NPHP1: variants seen among roughly 807,000 people sequenced by gnomAD.
NPHP1 encodes nephrocystin 1.
NPHP1 carries 70 observed loss-of-function variants against 90.4 expected under a neutral mutation model. The observed-to-expected ratio is 0.77, with a 90% CI of 0.64 to 0.95. NPHP1 has a LOEUF of 0.95. Among genes scored for constraint, NPHP1 ranks in the 40% least tolerant of loss-of-function variants. NPHP1 has a pLI of 0.00. For missense variants in NPHP1, 764 were observed against 795.9 expected, an observed-to-expected ratio of 0.96 and a Z score of 0.48; for synonymous variants, 256 against 271.7, an observed-to-expected ratio of 0.94 and a Z score of 0.57.
At chr2:110,173,960 T>C (rs1163386580) in intron 4 of NPHP1, among the ~76,000 whole-genome samples, 2 of 152,146 alleles carry the variant, frequency 1.3e-5, no homozygotes, top group Non-Finnish European at 2.9e-5. Context: ...CTTTCTTTTA[T>C]CATTATGAAA....
At chr2:110,136,934 C>A (rs995318364) in intron 16 of NPHP1, among the ~76,000 whole-genome samples, 7 of 152,140 alleles carry the variant, frequency 4.6e-5, no homozygotes, top group Non-Finnish European at 7.4e-5. Flanking sequence ...TACTACAAGG[C>A]TACAGTAACC....
At chr2:110,140,838 A>G (rs1421980863) in intron 16 of NPHP1, among the ~76,000 whole-genome samples, 9 of 152,216 alleles carry the variant, frequency 5.9e-5, no homozygotes, top group Admixed American at 5.9e-4. Context: ...ACCCATGAAC[A>G]CATTATTAAT....
At chr2:110,192,208 C>T (rs987997124) in intron 2 of NPHP1, among the ~76,000 whole-genome samples, 13 of 152,076 alleles carry the variant, frequency 8.5e-5, no homozygotes, top group Admixed American at 3.3e-4. Flanking sequence ...CAAACTTCTC[C>T]GAGCTAAAGG....
intron 11 of NPHP1, among the ~76,000 whole-genome samples, chr2:110,159,544 T>C (rs1053662434): frequency 2.0e-5 from 3 of 152,180 alleles, no homozygotes; most frequent in Non-Finnish European, 4.4e-5. Flanking sequence ...ATTTCATCAA[T>C]GTTGTCAAAT....
At chr2:110,166,382 T>C (rs948725823) in intron 6 of NPHP1, among the ~76,000 whole-genome samples, 1 of 151,840 alleles carries the variant, frequency 6.6e-6, no homozygotes, top group Non-Finnish European at 1.5e-5. Flanking sequence ...AATGATCCAG[T>C]TAAAAGACTA....
At chr2:110,142,344 A>G (rs137869466) in intron 16 of NPHP1, among the ~76,000 whole-genome samples, 13 of 151,968 alleles carry the variant, frequency 8.6e-5, no homozygotes, top group African/African-American at 3.1e-4. Flanking sequence ...TAATACACTT[A>G]GACTTTTTTT....
chr2:110,124,231 T>C (rs1291748723), intron 19 of NPHP1, 168 bp from the exon 20 acceptor site: 3 of 739,334 alleles, frequency 4.1e-6, no homozygotes, highest in Non-Finnish European at 4.7e-6. Context: ...ACTTCAGAAG[T>C]GGAAGTGAGC....
At chr2:110,131,539 A>T in intron 17 of NPHP1, 140 bp downstream of exon 17, 1 of 663,740 alleles carries the variant, frequency 1.5e-6, no homozygotes, top group East Asian at 2.7e-5. Flanking sequence ...TCCCATAAGT[A>T]ATGTATTAAC....
At chr2:110,146,184 ATCTT>A (rs1383265201) in intron 14 of NPHP1, among the ~76,000 whole-genome samples, 8 of 152,094 alleles carry the variant, frequency 5.3e-5, no homozygotes, top group Non-Finnish European at 1.2e-4. Context: ...CTAGATTTAG[ATCTT>A]TCTTTTCCTC....
intron 19 of NPHP1, chr2:110,124,546 C>T (rs752796258): frequency 3.1e-5 from 7 of 223,008 alleles, no homozygotes; most frequent in Admixed American, 1.0e-4. Flanking sequence ...GGATGGAGGT[C>T]GAGGGGTCCT....
rs1359420201 is a variant in NPHP1, at chr2:110,131,735, T to C, written c.1586A>G (p.Tyr529Cys). 1.9e-6 allele frequency: 3 copies of C among 1,613,490 alleles called. No individual in the cohort carries two copies. Among genetic ancestry groups the C allele is most frequent in the African/African-American group, 1.3e-5 (1 of 75,044 alleles). Residue 529 changes from tyrosine (Y) to cysteine (C), a missense_variant, in exon 17 of 20, where the codon TAT becomes TGT. By Grantham distance (194) the Tyr-to-Cys change is radical (BLOSUM62 -2). Coordinates refer to ENST00000445609, the MANE Select transcript of NPHP1 (RefSeq NM_001128178.3). Reference sequence around the variant, plus strand: ...GAGCACATCTCCAAGAATTTGTCGATAAAATATCAACAAGTGAATAGAACA... The same window carrying C: ...GAGCACATCTCCAAGAATTTGTCGACAAAATATCAACAAGTGAATAGAACA... ...NMCSIHLLIF[Y>C]RQILGDVLLK...
Position 110,131,796 on chromosome 2 carries a change from TAAAG to T in NPHP1, c.1530-9_1530-6del. ...ATTAATGTTTCTGGCAGTAGACTAT[TAAAG>T]AAGAAAAAAATGTATTCATTAGACA... On this transcript the variant is annotated splice_polypyrimidine_tract_variant and splice_region_variant and intron_variant, in intron 16 of 19. Transcript: ENST00000445609. The T allele has an allele frequency of 1.3e-6, 2 of 1,530,698 alleles. No individual in the cohort carries two copies. The highest frequency in any genetic ancestry group is 1.8e-6 in the Non-Finnish European group (2 of 1,105,116). 94.8% of individuals were successfully genotyped at this position (1,530,698 alleles called of 1,614,324 possible). A position where few individuals can be genotyped will look rare whatever the true frequency, so the allele number is the denominator to read the frequency against.
intron 2 of NPHP1, among the ~76,000 whole-genome samples, chr2:110,194,352 A>G (rs1383026800): frequency 1.3e-5 from 2 of 152,200 alleles, no homozygotes; most frequent in African/African-American, 4.8e-5. Context: ...AGAAATACCA[A>G]CTACCATCAG....
chr2:110,199,945 T>C (rs777613077), intron 2 of NPHP1, among the ~76,000 whole-genome samples: 2 of 152,134 alleles, frequency 1.3e-5, no homozygotes, highest in Non-Finnish European at 2.9e-5. Context: ...GAGAAGACTA[T>C]GGTTACTTGG....
chr2:110,189,560 A>C (rs1326749707), intron 2 of NPHP1, among the ~76,000 whole-genome samples: 4 of 152,100 alleles, frequency 2.6e-5, no homozygotes, highest in African/African-American at 9.7e-5. Context: ...TTTATTGCAA[A>C]CAGCGAAAGA....
intron 19 of NPHP1, chr2:110,124,358 G>A: frequency 2.1e-6 from 1 of 477,678 alleles, no homozygotes; most frequent in South Asian, 2.2e-5. Context: ...TCAAGGTATT[G>A]CAGTCTAATT....
In NPHP1 at chr2:110,169,180, GA is replaced by G. The variant is rs929652979; in HGVS notation, c.522+625del. 1.5e-4 allele frequency among the ~76,000 whole-genome samples: 23 copies of G among 149,572 alleles called. No individual in the cohort carries two copies. In the East Asian group the frequency reaches 3.7e-3, roughly 24 times the overall value. On this transcript the variant is annotated intron_variant, in intron 5 of 19. Coordinates refer to ENST00000445609, the MANE Select transcript of NPHP1 (RefSeq NM_001128178.3). ...TTGATACCATTTTCCAGGAGAATTTGAAAAAAAAATCTATAAATCAAACCAT... is the reference window on the plus strand; with the variant it reads ...TTGATACCATTTTCCAGGAGAATTTGAAAAAAAATCTATAAATCAAACCAT...
chr2:110,138,098 C>T (rs1035489879), intron 16 of NPHP1, among the ~76,000 whole-genome samples: 2 of 151,830 alleles, frequency 1.3e-5, no homozygotes, highest in South Asian at 4.2e-4. Context: ...ACCGCATGTT[C>T]TCACTTATAG....
intron 3 of NPHP1, 87 bp from the exon 4 acceptor site, chr2:110,178,634 T>C: frequency 8.1e-7 from 1 of 1,237,282 alleles, no homozygotes; most frequent in Non-Finnish European, 1.1e-6. Context: ...CAATAAGTGC[T>C]ATATAACAAA....
Sources: gnomAD v4.1 joint callset for allele counts (sites outside exome capture counted in the v4.1 genomes callset) on GRCh38, gnomAD v4.1.1 for gene constraint, MANE v1.5 for transcripts, NCBI Gene and HGNC (gene_info 2026-07-23, HGNC 2026-07-21) for gene names.